The following CFHR3 variants were observed in gnomAD, a reference collection of about 807,000 sequenced individuals.
CFHR3 encodes complement factor H-related protein 3.
A neutral mutation model predicts 36.0 loss-of-function variants in CFHR3; 22 were observed. That is an observed-to-expected ratio of 0.61 (90% CI 0.44 to 0.87). The LOEUF (loss-of-function observed/expected upper bound fraction) is 0.87, where lower values mean the gene tolerates loss of function less well. Among genes scored for constraint, CFHR3 ranks in the 40% least tolerant of loss-of-function variants. The pLI is 0.00. For missense variants in CFHR3, 276 were observed against 401.3 expected (o/e 0.69, Z 2.67); for synonymous variants, 97 against 137.4 (o/e 0.71, Z 2.06).
chr1:196,791,433 A>G (rs1654425939), intron 5 of CFHR3, among the ~76,000 whole-genome samples: 2 of 132,904 alleles, frequency 1.5e-5, no homozygotes, highest in South Asian at 5.3e-4. Context: ...TGAATGTCAG[A>G]TAACCTATTC....
chr1:196,779,358 T>C lies in CFHR3; in HGVS notation c.253+2T>C, dbSNP rs1185181820. The C allele has an allele frequency of 6.1e-6, 9 of 1,484,934 alleles. 1 individual carries two copies. The East Asian group carries it at 1.8e-4, about 30-fold the overall frequency. The allele number at this position is 1,484,934 out of a possible 1,614,324, so 92.0% of individuals were successfully genotyped here. A position where few individuals can be genotyped will look rare whatever the true frequency, so the allele number is the denominator to read the frequency against. On this transcript the variant is annotated splice_donor_variant, in intron 2 of 5. Transcript: ENST00000367425. LOFTEE classifies it high-confidence loss of function. The stretch of plus-strand genomic sequence containing the variant: ...GGTCACCAGCAGTACCATGTCTCAG[T>C]AAGTAATCCTCTGAACTGCTACACA...
chr1:196,785,778 T>C (rs568178), intron 3 of CFHR3, among the ~76,000 whole-genome samples: 78,494 of 135,290 alleles, frequency 0.58, 29,341 homozygotes, highest in East Asian at 0.94. Flanking sequence ...GTAGTTTGAT[T>C]GTCTGAAGCC....
intron 3 of CFHR3, among the ~76,000 whole-genome samples, chr1:196,784,364 C>G (rs1654097966): frequency 7.4e-6 from 1 of 135,530 alleles, no homozygotes; most frequent in African/African-American, 3.1e-5. Context: ...TCCTTGTTGA[C>G]TTTCCATCTC....
chr1:196,786,507 G>T (rs1275049359), intron 3 of CFHR3, among the ~76,000 whole-genome samples: 3 of 134,844 alleles, frequency 2.2e-5, no homozygotes, highest in Admixed American at 7.1e-5. Flanking sequence ...CCTGGGCAAT[G>T]GCAGGCCCCC....
At chr1:196,785,135 A>T (rs1481840790) in intron 3 of CFHR3, among the ~76,000 whole-genome samples, 1 of 134,752 alleles carries the variant, frequency 7.4e-6, no homozygotes, top group Non-Finnish European at 1.6e-5. Context: ...ATTGGCCCCC[A>T]CTCTCTTCTG....
At chr1:196,785,978 T>C (rs1353350187) in intron 3 of CFHR3, among the ~76,000 whole-genome samples, 1 of 135,594 alleles carries the variant, frequency 7.4e-6, no homozygotes, top group Non-Finnish European at 1.6e-5. Flanking sequence ...AGATGGGTTT[T>C]TGGTGTGGAT....
rs757383586 is a variant in CFHR3 at position 196,791,328 on chromosome 1, C to A, written c.796+1101C>A. On this transcript the variant is annotated intron_variant, in intron 5 of 5. Coordinates refer to ENST00000367425, the MANE Select transcript of CFHR3 (RefSeq NM_021023.6). ...AACACAACTCAAAAAATATAAGCCACAATGATTATGGCAACAACAAGAAAA... is the reference window on the plus strand; with the variant it reads ...AACACAACTCAAAAAATATAAGCCAAAATGATTATGGCAACAACAAGAAAA... Among the ~76,000 whole-genome samples, 16 of 136,522 alleles carry A rather than the reference C, an allele frequency of 1.2e-4. 1 individual carries two copies. Among genetic ancestry groups the A allele is most frequent in the South Asian group, 7.6e-4 (3 of 3,944 alleles). The allele number at this position is 136,522 out of a possible 152,430, so 89.6% of individuals were successfully genotyped here.
chr1:196,783,847 T>C lies in CFHR3; in HGVS notation c.430+3874T>C, dbSNP rs1401961608. ...TAGTTATTTCTTGCCTTCTGCTAGC[T>C]TTGAATGTGTTTGCTCTTGCTTTTC... is the stretch of plus-strand genomic sequence containing the variant. On this transcript the variant is annotated intron_variant, in intron 3 of 5. Coordinates refer to ENST00000367425, the MANE Select transcript of CFHR3 (RefSeq NM_021023.6). Among the ~76,000 whole-genome samples the C allele has an allele frequency of 2.9e-5, 4 of 135,782 alleles. 1 individual carries two copies. Among genetic ancestry groups the C allele is most frequent in the Non-Finnish European group, 6.2e-5 (4 of 64,222 alleles). The allele number at this position is 135,782 out of a possible 152,430, so 89.1% of individuals were successfully genotyped here.
At position 196,794,479 on chromosome 1, in the gene CFHR3, G is replaced by T; in HGVS notation, c.*966G>T. ...CTCTGTCTTAAAAATAAATAAATAG[G>T]ATGCTGAAAATTCCTATTTAAGGAA... On this transcript the variant is annotated 3_prime_UTR_variant, in exon 6 of 6. Transcript: ENST00000367425. The T allele has an allele frequency of 5.3e-6, 2 of 376,258 alleles. No individual in the cohort carries two copies. The highest frequency in any genetic ancestry group is 1.0e-5 in the Non-Finnish European group (2 of 194,416). The allele number at this position is 376,258 out of a possible 1,614,324, so 23.3% of individuals were successfully genotyped here. A position where few individuals can be genotyped will look rare whatever the true frequency, so the allele number is the denominator to read the frequency against.
In CFHR3 at chr1:196,793,686, TAAAAC is replaced by T. The variant is rs1654502277; in HGVS notation, c.*177_*181del. The T allele has an allele frequency of 8.5e-6, 5 of 591,340 alleles. No individual in the cohort carries two copies. The highest frequency in any genetic ancestry group is 1.4e-5 in the Non-Finnish European group (5 of 369,256). The allele number at this position is 591,340 out of a possible 1,614,324, so 36.6% of individuals were successfully genotyped here. A position where few individuals can be genotyped will look rare whatever the true frequency, so the allele number is the denominator to read the frequency against. On this transcript the variant is annotated 3_prime_UTR_variant, in exon 6 of 6. Coordinates refer to ENST00000367425, the MANE Select transcript of CFHR3 (RefSeq NM_021023.6). ...ACTTAATATATTCTCAAAAATATATTAAAACAAACTAAATTATTGCTTATGCTTGT... is the reference window on the plus strand; with the variant it reads ...ACTTAATATATTCTCAAAAATATATTAAACTAAATTATTGCTTATGCTTGT...
chr1:196,787,425 A>G (rs1430922193), intron 3 of CFHR3, among the ~76,000 whole-genome samples: 1 of 137,294 alleles, frequency 7.3e-6, no homozygotes, highest in Non-Finnish European at 1.5e-5. Context: ...AATATGCATC[A>G]TCTTTAACAT....
At position 196,794,331 on chromosome 1, in the gene CFHR3, C is replaced by T. The variant is rs1283071568; in HGVS notation, c.*818C>T. On this transcript the variant is annotated 3_prime_UTR_variant, in exon 6 of 6. Coordinates refer to ENST00000367425, the MANE Select transcript of CFHR3 (RefSeq NM_021023.6). ...TAGAAAAACTAGCTCGGCATGATGG[C>T]GTGCACCTGTAGTCCCAGCTACTCA... Among the ~76,000 whole-genome samples, 7 of 136,012 alleles carry T rather than the reference C, an allele frequency of 5.1e-5. 2 individuals carry two copies. The highest frequency in any genetic ancestry group is 2.0e-4 in the East Asian group (1 of 5,090). The allele number at this position is 136,012 out of a possible 152,430, so 89.2% of individuals were successfully genotyped here. A position where few individuals can be genotyped will look rare whatever the true frequency, so the allele number is the denominator to read the frequency against.
intron 3 of CFHR3, among the ~76,000 whole-genome samples, chr1:196,781,777 C>A (rs1367362738): frequency 1.5e-5 from 2 of 134,604 alleles, no homozygotes; most frequent in African/African-American, 6.3e-5. Context: ...ATGGTAGTTT[C>A]TTTTGCTGTG....
chr1:196,777,448 C>T (rs1653766296), intron 1 of CFHR3, among the ~76,000 whole-genome samples: 1 of 136,008 alleles, frequency 7.4e-6, no homozygotes. Flanking sequence ...CATTGTACTT[C>T]TTTGGGACGC....
intron 4 of CFHR3, chr1:196,789,590 C>G (rs1654342272): frequency 7.8e-7 from 1 of 1,275,206 alleles, no homozygotes; most frequent in Non-Finnish European, 1.0e-6. Flanking sequence ...CGTTACATAA[C>G]TACATAAATG....
chr1:196,779,420 C>T (rs1212668188), intron 2 of CFHR3, 64 bp downstream of exon 2: 2 of 1,203,144 alleles, frequency 1.7e-6, no homozygotes, highest in Non-Finnish European at 2.4e-6. Context: ...GAGGAGAGCA[C>T]ATAATTGATT....
At chr1:196,779,434 C>T in intron 2 of CFHR3, 78 bp downstream of exon 2, 1 of 1,137,048 alleles carries the variant, frequency 8.8e-7, no homozygotes, top group Non-Finnish European at 1.3e-6. Flanking sequence ...ATTGATTACT[C>T]TTGTCTTATG....
chr1:196,785,092 G>A (rs1654139271), intron 3 of CFHR3, among the ~76,000 whole-genome samples: 1 of 135,774 alleles, frequency 7.4e-6, no homozygotes, highest in South Asian at 2.6e-4. Context: ...TGAAATTCTG[G>A]GTTGAAAATT....
In CFHR3 at chr1:196,793,820, T is replaced by C. The variant is rs1470109184; in HGVS notation, c.*307T>C. 4.8e-6 allele frequency: 1 copy of C among 209,308 alleles called. No homozygotes were observed. The highest frequency in any genetic ancestry group is 9.0e-6 in the Non-Finnish European group (1 of 110,652). The allele number at this position is 209,308 out of a possible 1,614,324, so 13.0% of individuals were successfully genotyped here. On this transcript the variant is annotated 3_prime_UTR_variant, in exon 6 of 6. Transcript: ENST00000367425. The stretch of plus-strand genomic sequence containing the variant: ...CTTTCTGCATATTGTATAGTATACC[T>C]AGACATAGAAACAAAATGACTTTAG...
Sources: allele counts gnomAD v4.1 joint callset (sites outside exome capture counted in the v4.1 genomes callset), GRCh38; gene constraint gnomAD v4.1.1; transcripts MANE v1.5; gene names NCBI Gene and HGNC (gene_info 2026-07-23, HGNC 2026-07-21).